INTS1: variants seen among roughly 807,000 people sequenced by gnomAD.
The protein encoded by INTS1 is integrator complex subunit 1.
Under a neutral mutation model 241.6 loss-of-function variants are expected in INTS1, and 137 were observed. That is an observed-to-expected ratio of 0.57 (90% CI 0.49 to 0.65). INTS1 has a LOEUF of 0.65. INTS1 is among the 30% of genes least tolerant of loss of function. The pLI, the probability that INTS1 is intolerant of heterozygous loss-of-function variation, is 0.00. For missense variants in INTS1, 3,073 were observed against 3,032.2 expected, an observed-to-expected ratio of 1.01 and a Z score of -0.32; for synonymous variants, 1,692 against 1,337.8, an observed-to-expected ratio of 1.26 and a Z score of -5.78.
At chr7:1,503,867 A>T in intron 2 of INTS1, 36 bp downstream of exon 2, 1 of 1,519,480 alleles carries the variant, frequency 6.6e-7, no homozygotes, top group Non-Finnish European at 8.9e-7. Flanking sequence ...AGACCCCCAA[A>T]GACCCCCGGG....
chr7:1,504,034 ACTCATTCG>A (rs1783340176), intron 1 of INTS1, 33 bp from the exon 2 acceptor site: 1 of 1,128,892 alleles, frequency 8.9e-7, no homozygotes, highest in African/African-American at 1.6e-5. Context: ...TCATTCCTTC[ACTCATTCG>A]CTCGTTCGCT....
Position 1,470,641 on chromosome 7 carries a change from T to C in INTS1, c.6509A>G (p.Gln2170Arg), listed in dbSNP as rs758373779. The C allele has an allele frequency of 4.4e-6, 7 of 1,586,890 alleles. No individual in the cohort carries two copies. The African/African-American group carries it at 9.4e-5, about 21-fold the overall frequency. ...HRAFLVGMYG[Q>R]MDPSAQISEA... ...GGAGATCTGCGCGCTGGGGTCCATC[T>C]GGCCGTACATGCCCACCAGGAAGGC... Residue 2170 changes from glutamine (Q) to arginine (R), a missense_variant, in exon 48 of 48, where the codon CAG (glutamine) becomes CGG (arginine). Gln to Arg is a conservative substitution (Grantham distance 43). Transcript: ENST00000404767.
At position 1,482,687 on chromosome 7, in the gene INTS1, C is replaced by T; in HGVS notation, c.3562G>A (p.Ala1188Thr). The T allele has an allele frequency of 6.2e-7, 1 of 1,612,736 alleles. No homozygotes were observed. The highest frequency in any genetic ancestry group is 8.5e-7 in the Non-Finnish European group (1 of 1,179,846). The change falls in exon 27 of 48, where the codon GCG becomes ACG. Residue 1188 changes from alanine to threonine, a missense_variant. Ala to Thr is a moderately conservative substitution (Grantham distance 58). Coordinates refer to ENST00000404767, the MANE Select transcript of INTS1 (RefSeq NM_001080453.3). ...PPRADDSEFQ[A>T]LLDIWFPEEK... Reference sequence around the variant, plus strand: ...TCCGGAAACCAGATGTCCAGCAGCGCCTGGAACTCGCTGTCGTCGGCTTCA... The same window carrying T: ...TCCGGAAACCAGATGTCCAGCAGCGTCTGGAACTCGCTGTCGTCGGCTTCA...
intron 9 of INTS1, 67 bp from the exon 10 acceptor site, chr7:1,498,620 ACTCCGCCCGCACCCCCG>A (rs1782978675): frequency 7.7e-7 from 1 of 1,293,818 alleles, no homozygotes; most frequent in South Asian, 1.6e-5. Context: ...CTGTGCCCCC[ACTCCGCCCGCACCCCCG>A]CTCCGCCCAC....
intron 14 of INTS1, 110 bp from the exon 15 acceptor site, chr7:1,494,021 G>A: frequency 3.0e-6 from 4 of 1,334,268 alleles, no homozygotes; most frequent in Non-Finnish European, 4.0e-6. Context: ...GGTGGCAGAG[G>A]GCTGCTGCTG....
intron 10 of INTS1, 97 bp downstream of exon 10, chr7:1,498,315 A>G: frequency 6.6e-7 from 1 of 1,524,618 alleles, no homozygotes; most frequent in Non-Finnish European, 8.9e-7. Context: ...CCCACGAAGC[A>G]CTGCCAATCC....
chr7:1,475,527 C>T (rs1048131976), intron 39 of INTS1, among the ~76,000 whole-genome samples: 18 of 152,144 alleles, frequency 1.2e-4, no homozygotes, highest in Admixed American at 6.5e-5. Context: ...TTCCGGCCTG[C>T]GGTGGGGAAG....
Position 1,493,073 on chromosome 7 carries a change from A to G in INTS1, c.2102T>C (p.Leu701Pro). Residue 701 changes from leucine (L) to proline (P), a missense_variant, in exon 16 of 48, where the codon CTG becomes CCG. Leu to Pro is a moderately conservative substitution (Grantham distance 98, BLOSUM62 -3). Transcript: ENST00000404767. This position sits in a 1 kb window ranked among gnomAD's most constrained non-coding sequence, Gnocchi z 5.3. ...GCACAGATTCAGAACGGCGTCGATC[A>G]GCTGGGTCCTCCCCACCTTCAGCAC... The part of the protein sequence containing the change: ...VEVLKVGRTQ[L>P]IDAVLNLCTY... The G allele has an allele frequency of 6.2e-7, 1 of 1,613,632 alleles. No individual in the cohort carries two copies. The highest frequency in any genetic ancestry group is 8.5e-7 in the Non-Finnish European group (1 of 1,179,644).
At chr7:1,483,453 C>T in intron 26 of INTS1, 1 of 507,066 alleles carries the variant, frequency 2.0e-6, no homozygotes, top group Non-Finnish European at 3.6e-6. Context: ...CACGGTTAGG[C>T]TGGGGCAGTG....
At chr7:1,490,333 G>C (rs1031332431) in intron 16 of INTS1, among the ~76,000 whole-genome samples, 1 of 152,024 alleles carries the variant, frequency 6.6e-6, no homozygotes, top group South Asian at 2.1e-4. Context: ...AAGGGTGTCA[G>C]CTCTGCATAA....
rs1781987949 is a variant in INTS1, at chr7:1,481,377, T to A, written c.3815A>T (p.Asp1272Val). ...GATGTTCTGCTCCAGAGTCTGGGGG[T>A]CGTGGGCCACTGCCTGGTCCAGGAA... ...LQFLDQAVAHDPQTLEQNIMD... is the reference protein window; with the variant it reads ...LQFLDQAVAHVPQTLEQNIMD... Residue 1272 changes from aspartate (D) to valine (V), a missense_variant, in exon 28 of 48, where the codon GAC becomes GTC. Physicochemically the swap from Asp to Val is radical, Grantham distance 152. Coordinates refer to ENST00000404767, the MANE Select transcript of INTS1 (RefSeq NM_001080453.3). This position sits in a 1 kb window ranked among gnomAD's most constrained non-coding sequence, Gnocchi z 6.8. 1 of 1,612,354 alleles carries A rather than the reference T, an allele frequency of 6.2e-7. No homozygotes were observed. Among genetic ancestry groups the A allele is most frequent in the African/African-American group, 1.3e-5 (1 of 74,706 alleles).
chr7:1,484,183 C>A lies in INTS1; in HGVS notation c.3262-13G>T, dbSNP rs1782136363. ...GCCGGGCCACGTCCTGGTGTGTGGA[C>A]AGGGGGGCGTCAGAGGCTCCGAGAC... On this transcript the variant is annotated splice_polypyrimidine_tract_variant and intron_variant, in intron 24 of 47. Coordinates refer to ENST00000404767, the MANE Select transcript of INTS1 (RefSeq NM_001080453.3). The A allele has an allele frequency of 6.3e-7, 1 of 1,599,276 alleles. No homozygotes were observed. The highest frequency in any genetic ancestry group is 8.5e-7 in the Non-Finnish European group (1 of 1,171,546).
In INTS1 at chr7:1,477,599, A is replaced by C; in HGVS notation, c.4889T>G (p.Val1630Gly). Reference protein sequence around the residue: ...DWLEMLDPEVVSSCPDLQLRL... With the variant: ...DWLEMLDPEVGSSCPDLQLRL... ...GAGCTGCAGGTCGGGGCAGCTGCTG[A>C]CCACCTCGGGGTCCAGCATTTCCAG... Residue 1630 changes from valine to glycine, a missense_variant, in exon 35 of 48, where the codon GTC becomes GGC. Transcript: ENST00000404767. 1 of 1,565,208 alleles carries C rather than the reference A, an allele frequency of 6.4e-7. No homozygotes were observed. The highest frequency in any genetic ancestry group is 8.6e-7 in the Non-Finnish European group (1 of 1,157,050).
rs745365894 is a variant in INTS1 at position 1,485,454 on chromosome 7, G to T, written c.2992C>A (p.Leu998Ile). The T allele has an allele frequency of 3.0e-5, 49 of 1,612,324 alleles. No homozygotes were observed. Among genetic ancestry groups the T allele is most frequent in the Non-Finnish European group, 5.1e-6 (6 of 1,179,826 alleles). The change falls in exon 23 of 48, where the codon CTT (leucine) becomes ATT (isoleucine). Residue 998 changes from leucine to isoleucine, a missense_variant. Coordinates refer to ENST00000404767, the MANE Select transcript of INTS1 (RefSeq NM_001080453.3). ...VLAMKGLSLV[L>I]SEGSLRDGEE... ...CCGTCCCGCAGGCTGCCCTCCGAAA[G>T]CACCAGCGACAAACCCTGTGGCAGA...
At chr7:1,501,585 T>A (rs1309392186) in intron 3 of INTS1, among the ~76,000 whole-genome samples, 1 of 152,062 alleles carries the variant, frequency 6.6e-6, no homozygotes, top group Non-Finnish European at 1.5e-5. Context: ...CTTCAAAACC[T>A]CCTTTCTACA....
intron 18 of INTS1, among the ~76,000 whole-genome samples, chr7:1,488,999 C>T (rs1323893785): frequency 5.9e-5 from 9 of 152,126 alleles, no homozygotes; most frequent in South Asian, 2.1e-4. Flanking sequence ...CATCTCTGGC[C>T]GGATTCTCTT....
At chr7:1,471,515 G>A in intron 45 of INTS1, 56 bp downstream of exon 45, 1 of 1,571,398 alleles carries the variant, frequency 6.4e-7, no homozygotes, top group Non-Finnish European at 8.7e-7. Context: ...TGGCCCTGCT[G>A]GGGTTCCCCA....
chr7:1,503,174 C>T lies in INTS1; in HGVS notation c.76G>A (p.Asp26Asn). The T allele has an allele frequency of 6.5e-7, 1 of 1,542,004 alleles. No homozygotes were observed. Among genetic ancestry groups the T allele is most frequent in the South Asian group, 1.2e-5 (1 of 80,838 alleles). Residue 26 changes from aspartate to asparagine, a missense_variant, in exon 3 of 48, where the codon GAC becomes AAC. Physicochemically the swap from Asp to Asn is conservative, Grantham distance 23. Coordinates refer to ENST00000404767, the MANE Select transcript of INTS1 (RefSeq NM_001080453.3). The part of the protein sequence containing the change: ...AKPSGHPPPG[D>N]FIALGSKGQA... ...CCCTTTGAGCCCAGAGCAATGAAGT[C>T]TCCTGGGGGAGGGTGCCCTGCAGAG...
At chr7:1,488,011 C>T in intron 18 of INTS1, 54 bp from the exon 19 acceptor site, 1 of 1,555,704 alleles carries the variant, frequency 6.4e-7, no homozygotes, top group Non-Finnish European at 8.9e-7. Flanking sequence ...GGCTCACTCC[C>T]AGTGGGCCAC....
Sources: gnomAD v4.1 joint callset for allele counts (sites outside exome capture counted in the v4.1 genomes callset) on GRCh38, gnomAD v4.1.1 for gene constraint, Gnocchi (gnomAD v3.1) non-coding constraint, MANE v1.5 for transcripts, NCBI Gene and HGNC (gene_info 2026-07-23, HGNC 2026-07-21) for gene names.